KLF13: variants seen among roughly 807,000 people sequenced by gnomAD.
KLF13 encodes the protein Krueppel-like factor 13.
A neutral mutation model predicts 16.7 loss-of-function variants in KLF13; 8 were observed. The observed-to-expected ratio is 0.48, with a 90% CI of 0.28 to 0.87. KLF13 has a LOEUF of 0.87. Among genes scored for constraint, KLF13 ranks in the 40% least tolerant of loss-of-function variants. The pLI is 0.10. For missense variants in KLF13, 447 were observed against 452.2 expected, an observed-to-expected ratio of 0.99 and a Z score of 0.10; for synonymous variants, 245 against 208.4, an observed-to-expected ratio of 1.18 and a Z score of -1.51.
chr15:31,346,902 G>A (rs1356987394), intron 1 of KLF13, among the ~76,000 whole-genome samples: 3 of 152,172 alleles, frequency 2.0e-5, no homozygotes, highest in Non-Finnish European at 2.9e-5. Flanking sequence ...CAGACTGGAC[G>A]TGTGGGTTGG....
At chr15:31,332,329 G>A (rs886072491) in intron 1 of KLF13, among the ~76,000 whole-genome samples, 2 of 152,216 alleles carry the variant, frequency 1.3e-5, no homozygotes, top group Non-Finnish European at 2.9e-5. Flanking sequence ...TTTTGCATGT[G>A]TGAGAACATT....
At chr15:31,367,123 G>T (rs1047699640) in intron 1 of KLF13, among the ~76,000 whole-genome samples, 2 of 152,212 alleles carry the variant, frequency 1.3e-5, no homozygotes, top group African/African-American at 4.8e-5. Context: ...GTTGCTCCCT[G>T]TTCCCGCCTC....
intron 2 of KLF13, among the ~76,000 whole-genome samples, chr15:31,397,750 C>A (rs768891227): frequency 2.0e-5 from 3 of 152,080 alleles, no homozygotes; most frequent in Non-Finnish European, 4.4e-5. Flanking sequence ...TACCCAGTGG[C>A]CAGCAGCTCC....
At chr15:31,350,498 A>G (rs1254319458) in intron 1 of KLF13, among the ~76,000 whole-genome samples, 1 of 152,216 alleles carries the variant, frequency 6.6e-6, no homozygotes, top group East Asian at 1.9e-4. Context: ...GTCTTCACCA[A>G]ACTCTTAAAA....
Position 31,372,145 on chromosome 15 carries a change from G to T in KLF13, c.713G>T (p.Arg238Leu), listed in dbSNP as rs1262934510. 1 of 1,612,998 alleles carries T rather than the reference G, an allele frequency of 6.2e-7. No homozygotes were observed. Among genetic ancestry groups the T allele is most frequent in the Non-Finnish European group, 8.5e-7 (1 of 1,179,946 alleles). ...SCPICEKRFM[R>L]SDHLTKHARR... ...CCCATCTGCGAGAAGCGCTTCATGC[G>T]CAGCGACCACCTGACCAAGCACGCG... Residue 238 changes from arginine to leucine, a missense_variant, in exon 2 of 2, where the codon CGC (arginine) becomes CTC (leucine). Around this residue, in one of 2 missense-constraint regions of KLF13, gnomAD observed 88 missense variants for 169.5 expected, o/e 0.52. Transcript: ENST00000307145.
exon 3 of KLF13, chr15:31,404,654 G>C (rs1402338140): frequency 6.6e-6 from 1 of 152,258 alleles, no homozygotes; most frequent in East Asian, 1.9e-4. Context: ...GTCAGCAGCA[G>C]GCAACCCACT....
intron 1 of KLF13, 80 bp downstream of exon 1, chr15:31,327,869 A>T: frequency 1.7e-6 from 2 of 1,195,542 alleles, no homozygotes; most frequent in Middle Eastern, 3.2e-4. Flanking sequence ...GGAGTCCCCG[A>T]TGGGGCGCGA....
intron 1 of KLF13, among the ~76,000 whole-genome samples, chr15:31,353,072 G>A (rs1343741752): frequency 6.6e-6 from 1 of 152,210 alleles, no homozygotes; most frequent in Non-Finnish European, 1.5e-5. Context: ...CAGAGGTAGT[G>A]ACAGGGAAGG....
chr15:31,412,173 T>C lies in KLF13; in HGVS notation n.117+18482T>C, dbSNP rs570869881. Among the ~76,000 whole-genome samples the C allele has an allele frequency of 6.6e-5, 10 of 152,334 alleles. No homozygotes were observed. In the South Asian group the frequency reaches 1.4e-3, roughly 22 times the overall value. ...GCTCAAGGGAGCTTGTTTGCTTCTTTCACCATGTGAGAACACAGCTAGAAG... is the reference window on the plus strand; with the variant it reads ...GCTCAAGGGAGCTTGTTTGCTTCTTCCACCATGTGAGAACACAGCTAGAAG... On this transcript the variant is annotated intron_variant and non_coding_transcript_variant, in intron 1 of 1. Transcript: ENST00000558225.
intron 1 of KLF13, among the ~76,000 whole-genome samples, chr15:31,423,684 T>C (rs1417169228): frequency 1.3e-5 from 2 of 152,096 alleles, no homozygotes; most frequent in Non-Finnish European, 2.9e-5. Flanking sequence ...TACAGACATA[T>C]ACAGAATACT....
Sources: gnomAD v4.1 joint callset for allele counts (sites outside exome capture counted in the v4.1 genomes callset) on GRCh38, gnomAD v4.1.1 for gene constraint, gnomAD v4.1.1 regional missense constraint, MANE v1.5 for transcripts, NCBI Gene and HGNC (gene_info 2026-07-23, HGNC 2026-07-21) for gene names.